Variants in STK39 observed in about 807,000 individuals in gnomAD.
STK39 encodes STE20/SPS1-related proline-alanine-rich protein kinase.
In STK39, 20 loss-of-function variants were observed where a neutral mutation model predicts 77.8. The ratio of observed to expected loss-of-function variants is 0.26; its 90% confidence interval spans 0.18 to 0.37. The LOEUF (loss-of-function observed/expected upper bound fraction) is 0.37, where lower values mean the gene tolerates loss of function less well. Among genes scored for constraint, STK39 ranks in the 10% least tolerant of loss-of-function variants. STK39 has a pLI of 1.00. For missense variants in STK39, 479 were observed against 656.5 expected (o/e 0.73, Z 2.95); for synonymous variants, 246 against 234.1 (o/e 1.05, Z -0.47).
At chr2:168,048,472 A>G (rs1407027018) in intron 14 of STK39, among the ~76,000 whole-genome samples, 3 of 151,472 alleles carry the variant, frequency 2.0e-5, no homozygotes, top group Admixed American at 1.3e-4. Context: ...TTGGCCTCCC[A>G]AAGTGCTGGG....
At chr2:168,113,162 T>C (rs1423024309) in intron 10 of STK39, 3 of 152,258 alleles carry the variant, frequency 2.0e-5, no homozygotes, top group Middle Eastern at 3.2e-3. Flanking sequence ...CAAAGGCTAA[T>C]TCATCCATCT....
At chr2:168,009,170 G>C (rs1684206234) in intron 16 of STK39, among the ~76,000 whole-genome samples, 1 of 152,098 alleles carries the variant, frequency 6.6e-6, no homozygotes, top group South Asian at 2.1e-4. Flanking sequence ...GACAGAAATA[G>C]CTGTAATGGG....
chr2:168,169,945 G>A, intron 2 of STK39, among the ~76,000 whole-genome samples: 1 of 116,396 alleles, frequency 8.6e-6, no homozygotes, highest in South Asian at 2.8e-4. Context: ...TCACTTCTTG[G>A]CTAGGGGGGT....
At chr2:168,080,972 T>A (rs1024411686) in intron 10 of STK39, among the ~76,000 whole-genome samples, 1 of 152,170 alleles carries the variant, frequency 6.6e-6, no homozygotes, top group Admixed American at 6.5e-5. Flanking sequence ...CTGCCTAGAT[T>A]TAGGAGGATA....
At chr2:168,120,673 A>T (rs1052863665) in intron 10 of STK39, among the ~76,000 whole-genome samples, 2 of 152,230 alleles carry the variant, frequency 1.3e-5, no homozygotes, top group African/African-American at 2.4e-5. Flanking sequence ...TGTGATTATT[A>T]AAAAATTTTG....
chr2:168,224,036 C>T (rs1027000816), intron 1 of STK39, among the ~76,000 whole-genome samples: 2 of 151,910 alleles, frequency 1.3e-5, no homozygotes, highest in African/African-American at 4.8e-5. Flanking sequence ...CATAAACACA[C>T]AAATATATCT....
chr2:168,220,869 T>C (rs534720293), intron 1 of STK39, among the ~76,000 whole-genome samples: 46 of 152,298 alleles, frequency 3.0e-4, no homozygotes, highest in Admixed American at 1.8e-3. Flanking sequence ...CTAGGCTGCA[T>C]TGCAGGGGTC....
intron 10 of STK39, among the ~76,000 whole-genome samples, chr2:168,106,869 G>T (rs531071353): frequency 2.6e-5 from 4 of 152,120 alleles, no homozygotes; most frequent in Non-Finnish European, 5.9e-5. Flanking sequence ...ACATAAATAC[G>T]TATGTATGTA....
At chr2:168,179,538 T>C (rs1689032868) in intron 2 of STK39, among the ~76,000 whole-genome samples, 1 of 151,934 alleles carries the variant, frequency 6.6e-6, no homozygotes, top group African/African-American at 2.4e-5. Flanking sequence ...CAATATAAAA[T>C]GAAAAATAAA....
chr2:168,017,244 G>T, intron 14 of STK39, 149 bp from the exon 15 acceptor site: 1 of 440,884 alleles, frequency 2.3e-6, no homozygotes. Flanking sequence ...AACTGGAAAA[G>T]ATAGTTATAA....
intron 15 of STK39, among the ~76,000 whole-genome samples, chr2:168,014,750 A>C (rs762105612): frequency 3.3e-5 from 5 of 152,202 alleles, no homozygotes; most frequent in Non-Finnish European, 7.3e-5. Context: ...CTGATTGGTC[A>C]TCTGCTGAAG....
At chr2:167,966,625 A>G (rs1425027753) in intron 16 of STK39, among the ~76,000 whole-genome samples, 1 of 152,172 alleles carries the variant, frequency 6.6e-6, no homozygotes. Flanking sequence ...ACGTATATAT[A>G]CAAGGGCCAA....
intron 10 of STK39, among the ~76,000 whole-genome samples, chr2:168,105,834 A>G (rs1686955997): frequency 1.3e-5 from 2 of 152,244 alleles, no homozygotes; most frequent in East Asian, 3.8e-4. Flanking sequence ...TTTATTCCAG[A>G]ACTTCACTTT....
chr2:168,074,487 CCTTAA>C (rs1277571097), intron 12 of STK39, among the ~76,000 whole-genome samples: 1 of 152,136 alleles, frequency 6.6e-6, no homozygotes, highest in Non-Finnish European at 1.5e-5. Context: ...TTTGAGTGCT[CCTTAA>C]CCTACTAAGG....
chr2:168,025,010 A>G (rs1362255224), intron 14 of STK39, among the ~76,000 whole-genome samples: 1 of 152,178 alleles, frequency 6.6e-6, no homozygotes, highest in Non-Finnish European at 1.5e-5. Flanking sequence ...CAGAGTTTAC[A>G]AGTCTGGCTT....
intron 10 of STK39, among the ~76,000 whole-genome samples, chr2:168,119,813 T>C (rs1687358108): frequency 6.6e-6 from 1 of 152,206 alleles, no homozygotes; most frequent in Admixed American, 6.5e-5. Flanking sequence ...ATTTTATAAG[T>C]TAATTATAAG....
intron 1 of STK39, among the ~76,000 whole-genome samples, chr2:168,201,095 A>G (rs1689600375): frequency 6.6e-6 from 1 of 152,244 alleles, no homozygotes; most frequent in African/African-American, 2.4e-5. Context: ...TCATGGCAGA[A>G]AATTGCCAAC....
rs1361129168 is a variant in STK39 at position 168,113,659 on chromosome 2, A to C, written c.1089+15882T>G. Among the ~76,000 whole-genome samples the C allele has an allele frequency of 2.0e-5, 3 of 152,196 alleles. No individual in the cohort carries two copies. The East Asian group carries it at 5.8e-4, about 29-fold the overall frequency. On this transcript the variant is annotated intron_variant, in intron 10 of 17. Transcript: ENST00000355999. ...ATGGCTTCCTCTCCAACAAGGAGACAAGACACAGAGGCTGTCTCAGTCACT... is the reference window on the plus strand; with the variant it reads ...ATGGCTTCCTCTCCAACAAGGAGACCAGACACAGAGGCTGTCTCAGTCACT...
chr2:168,006,749 T>A (rs1419951790), intron 16 of STK39, among the ~76,000 whole-genome samples: 1 of 152,224 alleles, frequency 6.6e-6, no homozygotes, highest in Non-Finnish European at 1.5e-5. Flanking sequence ...TAAAAATGTT[T>A]CCTGTTTCTT....
Sources: gnomAD v4.1 joint callset for allele counts (sites outside exome capture counted in the v4.1 genomes callset) on GRCh38, gnomAD v4.1.1 for gene constraint, MANE v1.5 for transcripts, NCBI Gene and HGNC (gene_info 2026-07-23, HGNC 2026-07-21) for gene names.